The following CACNA2D1 variants were observed in gnomAD, a reference collection of about 807,000 sequenced individuals.
CACNA2D1 encodes calcium voltage-gated channel auxiliary subunit alpha2delta 1, also known as voltage-dependent calcium channel subunit alpha-2/delta-1.
In CACNA2D1, 53 loss-of-function variants were observed where a neutral mutation model predicts 171.5. That is an observed-to-expected ratio of 0.31 (90% confidence interval 0.25 to 0.39). CACNA2D1 has a LOEUF of 0.39. Ranked by LOEUF, CACNA2D1 falls within the 10% of genes least tolerant of loss-of-function variation. The pLI is 1.00. For missense variants in CACNA2D1, 903 were observed against 1,299.8 expected, an observed-to-expected ratio of 0.69 and a Z score of 4.69; for synonymous variants, 442 against 443.1, an observed-to-expected ratio of 1.00 and a Z score of 0.03.
At chr7:82,234,821 C>T (rs1803356875) in intron 3 of CACNA2D1, among the ~76,000 whole-genome samples, 1 of 152,152 alleles carries the variant, frequency 6.6e-6, no homozygotes, top group East Asian at 1.9e-4. Context: ...ACATGTTACA[C>T]ATTTGAAGCA....
At chr7:82,380,676 C>T (rs1352963290) in intron 1 of CACNA2D1, among the ~76,000 whole-genome samples, 1 of 151,960 alleles carries the variant, frequency 6.6e-6, no homozygotes, top group Non-Finnish European at 1.5e-5. Context: ...CTCCCAACTA[C>T]TCATTTACTG....
intron 12 of CACNA2D1, 80 bp from the exon 13 acceptor site, chr7:82,014,559 A>G (rs757908160): frequency 2.9e-4 from 233 of 800,504 alleles, no homozygotes; most frequent in Non-Finnish European, 4.7e-4. Flanking sequence ...TAAAATTTCT[A>G]TTGAAAAGAG....
chr7:82,004,231 T>C (rs745776219), intron 18 of CACNA2D1, among the ~76,000 whole-genome samples: 1 of 152,080 alleles, frequency 6.6e-6, no homozygotes, highest in Non-Finnish European at 1.5e-5. Context: ...TTAAGAGGAA[T>C]TTAACAGGAT....
chr7:82,154,175 G>A (rs574978639), intron 4 of CACNA2D1, among the ~76,000 whole-genome samples: 25 of 152,222 alleles, frequency 1.6e-4, no homozygotes, highest in South Asian at 6.2e-4. Flanking sequence ...TTCACATAAC[G>A]TCTGTGTGTC....
At chr7:82,256,425 C>G (rs182876308) in intron 3 of CACNA2D1, among the ~76,000 whole-genome samples, 8 of 152,312 alleles carry the variant, frequency 5.3e-5, no homozygotes, top group Non-Finnish European at 1.2e-4. Context: ...TTTATTCTTA[C>G]ATTGTACAAT....
chr7:81,965,996 T>C lies in CACNA2D1; in HGVS notation c.2503-331A>G, dbSNP rs541195564. On this transcript the variant is annotated intron_variant, in intron 31 of 38. Transcript: ENST00000356860. The stretch of plus-strand genomic sequence containing the variant: ...AAACTGGATAGAGAAAATTATTTAA[T>C]AATGAGTAACTGATTTAAACACATA... Among the ~76,000 whole-genome samples, 21 of 151,806 alleles carry C rather than the reference T, an allele frequency of 1.4e-4. No individual in the cohort carries two copies. In the South Asian group the frequency reaches 4.4e-3, roughly 32 times the overall value.
chr7:82,097,383 A>G (rs568353288), intron 6 of CACNA2D1, among the ~76,000 whole-genome samples: 1 of 152,342 alleles, frequency 6.6e-6, no homozygotes, highest in East Asian at 1.9e-4. Context: ...AGCAGGTACC[A>G]TCAGACTGGT....
At chr7:82,050,495 A>G (rs1044047959) in intron 10 of CACNA2D1, 5 of 684,956 alleles carry the variant, frequency 7.3e-6, no homozygotes, top group Admixed American at 4.3e-5. Context: ...CAGGAGTCCC[A>G]AGATGAGGAA....
intron 21 of CACNA2D1, among the ~76,000 whole-genome samples, chr7:81,988,689 G>A (rs760903057): frequency 6.6e-6 from 1 of 152,148 alleles, no homozygotes; most frequent in Non-Finnish European, 1.5e-5. Context: ...TTGAAAGGAT[G>A]AGACAGATTG....
intron 1 of CACNA2D1, among the ~76,000 whole-genome samples, chr7:82,376,937 C>T (rs1220289277): frequency 6.6e-6 from 1 of 152,198 alleles, no homozygotes; most frequent in African/African-American, 2.4e-5. Flanking sequence ...GTTTTCCACC[C>T]TTCAGCATGC....
chr7:81,983,338 T>G lies in CACNA2D1; in HGVS notation c.1874-4A>C. The stretch of plus-strand genomic sequence containing the variant: ...CCCTTCATTTTGCCCTTTTTTGCTG[T>G]GAAAATCCATCAGAAAGAGAAAGCA... On this transcript the variant is annotated splice_region_variant and splice_polypyrimidine_tract_variant and intron_variant, in intron 22 of 38. Transcript: ENST00000356860. The G allele has an allele frequency of 6.2e-7, 1 of 1,609,826 alleles. No individual in the cohort carries two copies.
intron 1 of CACNA2D1, among the ~76,000 whole-genome samples, chr7:82,401,089 C>A (rs1051754721): frequency 3.9e-5 from 6 of 152,010 alleles, no homozygotes; most frequent in Admixed American, 2.6e-4. Context: ...GAAATAGTAA[C>A]ACTTTTACAC....
At chr7:81,981,034 T>C (rs993637316) in intron 24 of CACNA2D1, among the ~76,000 whole-genome samples, 17 of 152,188 alleles carry the variant, frequency 1.1e-4, no homozygotes, top group African/African-American at 3.4e-4. Flanking sequence ...ATAGATATAA[T>C]ATAGGATTAA....
intron 3 of CACNA2D1, among the ~76,000 whole-genome samples, chr7:82,173,082 G>T (rs1347701349): frequency 6.6e-6 from 1 of 151,986 alleles, no homozygotes; most frequent in African/African-American, 2.4e-5. Context: ...CCTTGGGAGT[G>T]CATGAGAAAG....
chr7:81,985,664 T>C (rs1796894152), intron 21 of CACNA2D1, among the ~76,000 whole-genome samples: 2 of 152,212 alleles, frequency 1.3e-5, no homozygotes, highest in South Asian at 4.1e-4. Context: ...TTATACCCAA[T>C]AGTAAAACTA....
chr7:81,974,146 C>A (rs527504147), intron 25 of CACNA2D1, among the ~76,000 whole-genome samples: 101 of 151,874 alleles, frequency 6.7e-4, no homozygotes, highest in African/African-American at 2.4e-3. Flanking sequence ...ATAAAAAAAC[C>A]TTCAAAAGAT....
At chr7:82,240,961 C>G (rs1032631080) in intron 3 of CACNA2D1, among the ~76,000 whole-genome samples, 6 of 147,242 alleles carry the variant, frequency 4.1e-5, no homozygotes, top group African/African-American at 1.3e-4. Flanking sequence ...AGCAAGACTC[C>G]ATCTCAAAAA....
At chr7:81,967,429 T>C (rs578181989) in intron 30 of CACNA2D1, among the ~76,000 whole-genome samples, 167 bp downstream of exon 30, 15 of 151,626 alleles carry the variant, frequency 9.9e-5, no homozygotes, top group Admixed American at 7.2e-4. Flanking sequence ...CTATTACATA[T>C]TGACTAATTT....
Position 81,947,930 on chromosome 7 carries a change from A to G in CACNA2D1, c.*2462T>C. ...ACTTTATAGCAGAAAATAAAGGTTT[A>G]TAGCAAAACTCATGCATATAAATAT... On this transcript the variant is annotated 3_prime_UTR_variant, in exon 39 of 39. Coordinates refer to ENST00000356860, the MANE Select transcript of CACNA2D1 (RefSeq NM_000722.4). 1 of 152,024 alleles carries G rather than the reference A, an allele frequency of 6.6e-6. No individual in the cohort carries two copies. The highest frequency in any genetic ancestry group is 1.9e-4 in the East Asian group (1 of 5,164). The allele number at this position is 152,024 out of a possible 1,614,324, so 9.4% of individuals were successfully genotyped here. A position where few individuals can be genotyped will look rare whatever the true frequency, so the allele number is the denominator to read the frequency against.
Sources: allele counts gnomAD v4.1 joint callset (sites outside exome capture counted in the v4.1 genomes callset), GRCh38; gene constraint gnomAD v4.1.1; transcripts MANE v1.5; gene names NCBI Gene and HGNC (gene_info 2026-07-23, HGNC 2026-07-21).